Variants in USP54 observed in about 807,000 individuals in gnomAD.
USP54 encodes the protein ubiquitin carboxyl-terminal hydrolase 54.
A neutral mutation model predicts 170.5 loss-of-function variants in USP54; 87 were observed. The ratio of observed to expected loss-of-function variants is 0.51; its 90% CI spans 0.43 to 0.61. The LOEUF (loss-of-function observed/expected upper bound fraction) is 0.61, where lower values mean the gene tolerates loss of function less well. USP54 is among the 20% of genes least tolerant of loss of function. USP54 has a pLI of 0.00. For synonymous variants in USP54, 655 were observed against 742.8 expected, an observed-to-expected ratio of 0.88 and a Z score of 1.92; for missense variants, 1,786 against 2,047.8, an observed-to-expected ratio of 0.87 and a Z score of 2.47.
chr10:73,601,445 G>A (rs2079157377), intron 1 of USP54, among the ~76,000 whole-genome samples: 1 of 151,812 alleles, frequency 6.6e-6, no homozygotes, highest in Non-Finnish European at 1.5e-5. Flanking sequence ...GACTGAATGT[G>A]TATGTCACCT....
chr10:73,556,041 C>T (rs1284918026), intron 4 of USP54, among the ~76,000 whole-genome samples: 2 of 152,082 alleles, frequency 1.3e-5, no homozygotes, highest in African/African-American at 4.8e-5. Flanking sequence ...GATCAAAGGA[C>T]CATATAAATA....
intron 18 of USP54, among the ~76,000 whole-genome samples, chr10:73,520,250 AC>A (rs1316991689): frequency 4.6e-5 from 7 of 152,108 alleles, no homozygotes. Context: ...AAGAAGATAA[AC>A]CAGTGCCTCC....
intron 1 of USP54, among the ~76,000 whole-genome samples, chr10:73,615,773 T>G (rs952241005): frequency 1.4e-5 from 2 of 147,750 alleles, no homozygotes; most frequent in Non-Finnish European, 1.5e-5. Flanking sequence ...ATACAAAAAT[T>G]AGCTGGTCAT....
At chr10:73,600,650 G>A (rs1337827480) in intron 1 of USP54, among the ~76,000 whole-genome samples, 4 of 152,176 alleles carry the variant, frequency 2.6e-5, no homozygotes, top group South Asian at 2.1e-4. Flanking sequence ...GCAGGGGCTC[G>A]CGCCTATAAT....
At chr10:73,564,140 G>A (rs1358699865) in intron 4 of USP54, among the ~76,000 whole-genome samples, 1 of 152,014 alleles carries the variant, frequency 6.6e-6, no homozygotes, top group Non-Finnish European at 1.5e-5. Context: ...TAGCTGGGCC[G>A]ACAGGTGCGC....
At chr10:73,606,487 TGA>T (rs1030121551) in intron 1 of USP54, 3 of 151,994 alleles carry the variant, frequency 2.0e-5, no homozygotes, top group Admixed American at 6.6e-5. Context: ...TATAAGATGT[TGA>T]GAGAGAAACA....
At chr10:73,585,472 G>C (rs1046178803) in intron 1 of USP54, among the ~76,000 whole-genome samples, 1 of 152,150 alleles carries the variant, frequency 6.6e-6, no homozygotes, top group Non-Finnish European at 1.5e-5. Context: ...CATGGCGAGA[G>C]AGACAAGGGA....
Position 73,571,516 on chromosome 10 carries a change from G to C in USP54, c.148-3C>G. ...AAGATATCCAAGTGCCACAAAACCTGATGAGAAAAGGAAAATATTTCATTA... is the reference window on the plus strand; with the variant it reads ...AAGATATCCAAGTGCCACAAAACCTCATGAGAAAAGGAAAATATTTCATTA... On this transcript the variant is annotated splice_region_variant and splice_polypyrimidine_tract_variant and intron_variant, in intron 3 of 23. Transcript: ENST00000687698. 1 of 1,610,674 alleles carries C rather than the reference G, an allele frequency of 6.2e-7. No individual in the cohort carries two copies. The highest frequency in any genetic ancestry group is 1.3e-5 in the African/African-American group (1 of 74,918).
At chr10:73,556,537 G>A (rs888449921) in intron 4 of USP54, among the ~76,000 whole-genome samples, 1 of 151,376 alleles carries the variant, frequency 6.6e-6, no homozygotes, top group Non-Finnish European at 1.5e-5. Context: ...GTAGAGACAG[G>A]GTTTCACCAT....
intron 1 of USP54, among the ~76,000 whole-genome samples, chr10:73,612,839 CAAAAA>C (rs756355670): frequency 7.1e-5 from 3 of 42,126 alleles, no homozygotes; most frequent in Admixed American, 2.5e-4. Context: ...GACATTGTCT[CAAAAA>C]AAAAAAAAAA....
At chr10:73,535,722 C>G (rs1313400959) in intron 11 of USP54, among the ~76,000 whole-genome samples, 1 of 152,086 alleles carries the variant, frequency 6.6e-6, no homozygotes, top group Non-Finnish European at 1.5e-5. Context: ...AATTTTTCCC[C>G]CCTCCAAGAC....
intron 5 of USP54, 25 bp from the exon 6 acceptor site, chr10:73,543,156 T>A: frequency 6.7e-7 from 1 of 1,498,656 alleles, no homozygotes; most frequent in Non-Finnish European, 9.3e-7. Context: ...ACAAAAGCAG[T>A]ATACCAACAA....
chr10:73,542,400 A>G (rs2066810634), intron 7 of USP54, among the ~76,000 whole-genome samples: 1 of 150,658 alleles, frequency 6.6e-6, no homozygotes, highest in Admixed American at 6.6e-5. Context: ...ATGCCCGGCC[A>G]AGATATAAAA....
chr10:73,530,419 T>C lies in USP54; in HGVS notation c.1552A>G (p.Asn518Asp). The change falls in exon 14 of 24, where the codon AAC becomes GAC. Residue 518 changes from asparagine (N) to aspartate (D), a missense_variant. Physicochemically the swap from Asn to Asp is conservative, Grantham distance 23 (BLOSUM62 1). Around this residue, in one of 3 missense-constraint regions of USP54, gnomAD observed 1,418 missense variants for 1,569.0 expected, o/e 0.90. Transcript: ENST00000687698. ...GTCTGAGAAGCCAGGGATGGTCTGT[T>C]ATGGATCATATTGCTGACTGTCTCT... ...FKETVSNMIH[N>D]RPSLASQTNV... The C allele has an allele frequency of 6.2e-7, 1 of 1,614,182 alleles. No homozygotes were observed. The highest frequency in any genetic ancestry group is 8.5e-7 in the Non-Finnish European group (1 of 1,180,032).
At chr10:73,579,779 CAAA>C (rs77144291) in intron 1 of USP54, among the ~76,000 whole-genome samples, 3 of 148,700 alleles carry the variant, frequency 2.0e-5, no homozygotes, top group African/African-American at 7.6e-5. Context: ...ACAACAACAA[CAAA>C]AAAAAACTAC....
chr10:73,560,832 C>T (rs1186054144), intron 4 of USP54, among the ~76,000 whole-genome samples: 2 of 150,908 alleles, frequency 1.3e-5, no homozygotes. Flanking sequence ...AGCCCGGGTA[C>T]GGTGGCTCAC....
intron 20 of USP54, chr10:73,505,648 A>C: frequency 2.7e-6 from 1 of 366,680 alleles, no homozygotes; most frequent in Non-Finnish European, 5.0e-6. Flanking sequence ...ACACGGGCAG[A>C]TCACGAGGTC....
chr10:73,501,495 C>A (rs1396702936), intron 22 of USP54, among the ~76,000 whole-genome samples: 3 of 152,178 alleles, frequency 2.0e-5, no homozygotes, highest in Non-Finnish European at 4.4e-5. Flanking sequence ...CCTCATTTTC[C>A]TAAATCACCC....
chr10:73,606,393 C>T (rs1262942696), intron 1 of USP54: 3 of 151,832 alleles, frequency 2.0e-5, no homozygotes, highest in Non-Finnish European at 4.4e-5. Flanking sequence ...AATCAGGAGG[C>T]TGAGGTGGGA....
Sources: gnomAD v4.1 joint callset for allele counts (sites outside exome capture counted in the v4.1 genomes callset) on GRCh38, gnomAD v4.1.1 for gene constraint, gnomAD v4.1.1 regional missense constraint, MANE v1.5 for transcripts, NCBI Gene and HGNC (gene_info 2026-07-23, HGNC 2026-07-21) for gene names.